The following WDR37 variants were observed in gnomAD, a reference collection of about 807,000 sequenced individuals.
WDR37 encodes WD repeat domain 37.
Under a neutral mutation model 62.9 loss-of-function variants are expected in WDR37, and 19 were observed. The ratio of observed to expected loss-of-function variants is 0.30; its 90% CI spans 0.21 to 0.44. The LOEUF (loss-of-function observed/expected upper bound fraction) is 0.44, where lower values mean the gene tolerates loss of function less well. WDR37 is among the 20% of genes least tolerant of loss of function. WDR37 has a pLI of 1.00. For missense variants in WDR37, 474 were observed against 657.6 expected (o/e 0.72, Z 3.05); for synonymous variants, 250 against 260.9 (o/e 0.96, Z 0.40).
At position 1,069,113 on chromosome 10, in the gene WDR37, G is replaced by C. The variant is rs374822851; in HGVS notation, c.-40-3003G>C. On this transcript the variant is annotated intron_variant, in intron 1 of 13. Transcript: ENST00000263150. ...CGTTTTGGGGTGATAAAAATGTACA[G>C]TTGATTGTGGTAATGATCGCACAAC... 5.7e-4 allele frequency among the ~76,000 whole-genome samples: 86 copies of C among 152,190 alleles called. 1 individual carries two copies. In the South Asian group the frequency reaches 0.017, roughly 30 times the overall value.
intron 7 of WDR37, among the ~76,000 whole-genome samples, chr10:1,089,603 T>C (rs995154195): frequency 1.3e-5 from 2 of 151,964 alleles, no homozygotes; most frequent in African/African-American, 4.8e-5. Flanking sequence ...CTTCCCGTGC[T>C]CACCCACAAT....
At position 1,105,151 on chromosome 10, in the gene WDR37, C is replaced by T. The variant is rs748978295; in HGVS notation, c.987C>T (p.Cys329=). 6.2e-7 allele frequency: 1 copy of T among 1,614,176 alleles called. No individual in the cohort carries two copies. ...GGCACGACCAGGAGTTGACGCACTG[C>T]TGCACACACCCCACCCAGCGGCTCG... ...LTGHDQELTH[C]CTHPTQRLVV... is the part of the protein sequence containing the mutation. The change falls in exon 11 of 14, where the codon TGC becomes TGT. Residue 329 remains cysteine, a synonymous_variant. Transcript: ENST00000263150. This position sits in a 1 kb window ranked among gnomAD's most constrained non-coding sequence, Gnocchi z 5.3.
chr10:1,132,315 A>G lies in WDR37; in HGVS notation c.*2971A>G, dbSNP rs1476556835. On this transcript the variant is annotated 3_prime_UTR_variant, in exon 14 of 14. Transcript: ENST00000263150. ...GTCACTCGAAAAATTTTTAGACTTA[A>G]AAAGTCAGTTGTGTTTTGTGTCTGT... The G allele has an allele frequency of 6.6e-6, 1 of 152,234 alleles. No homozygotes were observed. The highest frequency in any genetic ancestry group is 1.5e-5 in the Non-Finnish European group (1 of 68,046). The allele number at this position is 152,234 out of a possible 1,614,324, so 9.4% of individuals were successfully genotyped here.
intron 5 of WDR37, among the ~76,000 whole-genome samples, chr10:1,083,334 G>T (rs763863473): frequency 5.3e-5 from 8 of 152,210 alleles, no homozygotes; most frequent in African/African-American, 9.6e-5. Flanking sequence ...CTCTTCCTCA[G>T]CCTTTTATAT....
rs1834980041 is a variant in WDR37 at position 1,105,626 on chromosome 10, A to G, written c.1103+359A>G. Among the ~76,000 whole-genome samples, 1 of 152,146 alleles carries G rather than the reference A, an allele frequency of 6.6e-6. No homozygotes were observed. The highest frequency in any genetic ancestry group is 2.1e-4 in the South Asian group (1 of 4,830). On this transcript the variant is annotated intron_variant, in intron 11 of 13. Transcript: ENST00000263150. The surrounding 1 kb of genome is among the most constrained non-coding windows in gnomAD (Gnocchi z 5.3). ...GCCGCGGGAGCTGTTACTCCTACCC[A>G]CGGGGTGTCTCCTGGATCTTTTCCA...
chr10:1,066,442 C>G (rs967752556), intron 1 of WDR37, among the ~76,000 whole-genome samples: 1 of 152,168 alleles, frequency 6.6e-6, no homozygotes, highest in Non-Finnish European at 1.5e-5. Flanking sequence ...GCAGAAAAAA[C>G]CTTGACATGG....
rs374731548 is a variant in WDR37, at chr10:1,084,471, C to T, written c.465C>T (p.His155=). 85 of 1,614,102 alleles carry T rather than the reference C, an allele frequency of 5.3e-5. No homozygotes were observed. Among genetic ancestry groups the T allele is most frequent in the Middle Eastern group, 4.9e-4 (3 of 6,084 alleles). Reference sequence around the variant, plus strand: ...AGCTCGTGAAGGAGTACATCGGCCACCGGGACGGCATCTGGGATGTCAGCG... The same window carrying T: ...AGCTCGTGAAGGAGTACATCGGCCATCGGGACGGCATCTGGGATGTCAGCG... ...ACQLVKEYIG[H]RDGIWDVSVA... The change falls in exon 6 of 14, where the codon CAC becomes CAT. Residue 155 remains histidine (H), a synonymous_variant. Transcript: ENST00000263150.
At chr10:1,101,792 T>G (rs1398641834) in intron 9 of WDR37, among the ~76,000 whole-genome samples, 1 of 152,158 alleles carries the variant, frequency 6.6e-6, no homozygotes, top group African/African-American at 2.4e-5. Context: ...ACCTTTCCTT[T>G]CCTCACATCC....
chr10:1,124,377 A>C (rs1401872159), intron 12 of WDR37, 25 bp downstream of exon 12: 2 of 1,613,840 alleles, frequency 1.2e-6, no homozygotes, highest in South Asian at 2.2e-5. Flanking sequence ...TTGGTTAAGT[A>C]AGTGGCTTAG....
At chr10:1,084,024 G>C (rs141152770) in intron 5 of WDR37, among the ~76,000 whole-genome samples, 108 of 152,278 alleles carry the variant, frequency 7.1e-4, no homozygotes, top group African/African-American at 2.4e-3. Flanking sequence ...TGACTTTTTT[G>C]TATCTGAGTG....
intron 1 of WDR37, among the ~76,000 whole-genome samples, chr10:1,071,841 G>A (rs1017901812): frequency 5.9e-5 from 9 of 152,024 alleles, no homozygotes; most frequent in Non-Finnish European, 1.0e-4. Flanking sequence ...AATTCCGTTG[G>A]GTTAAGGGAG....
chr10:1,059,745 C>T (rs530454301), intron 1 of WDR37, among the ~76,000 whole-genome samples: 1 of 152,044 alleles, frequency 6.6e-6, no homozygotes, highest in Admixed American at 6.5e-5. Flanking sequence ...TGCAGTGGGT[C>T]GAGATCGCGC....
At chr10:1,109,536 ACT>A (rs941465483) in intron 11 of WDR37, among the ~76,000 whole-genome samples, 1 of 151,944 alleles carries the variant, frequency 6.6e-6, no homozygotes, top group African/African-American at 2.4e-5. Flanking sequence ...ACATGGAGAA[ACT>A]CTGTCTTTAC....
At chr10:1,109,844 A>G (rs117793907) in intron 11 of WDR37, among the ~76,000 whole-genome samples, 1,672 of 152,310 alleles carry the variant, frequency 0.011, 29 homozygotes, top group Non-Finnish European at 0.014. Context: ...AGTTCTTACT[A>G]ATGTGGACCT....
At position 1,131,290 on chromosome 10, in the gene WDR37, G is replaced by A. The variant is rs1835941965; in HGVS notation, c.*1946G>A. The A allele has an allele frequency of 6.6e-6, 1 of 152,250 alleles. No homozygotes were observed. Among genetic ancestry groups the A allele is most frequent in the Non-Finnish European group, 1.5e-5 (1 of 68,064 alleles). 9.4% of individuals were successfully genotyped at this position (152,250 alleles called of 1,614,324 possible). A position where few individuals can be genotyped will look rare whatever the true frequency, so the allele number is the denominator to read the frequency against. Reference sequence around the variant, plus strand: ...GCCACTGCACAGGCCACCTGCTTGGGTTCCTCGGAGTTTAATTTGAAAGTC... The same window carrying A: ...GCCACTGCACAGGCCACCTGCTTGGATTCCTCGGAGTTTAATTTGAAAGTC... On this transcript the variant is annotated 3_prime_UTR_variant, in exon 14 of 14. Transcript: ENST00000263150.
At chr10:1,059,200 G>C (rs1440793135) in intron 1 of WDR37, among the ~76,000 whole-genome samples, 1 of 151,842 alleles carries the variant, frequency 6.6e-6, no homozygotes. Context: ...ACATGGTGAA[G>C]TCCCGTCTCT....
intron 11 of WDR37, among the ~76,000 whole-genome samples, chr10:1,119,737 T>A (rs1458869448): frequency 1.3e-5 from 2 of 152,236 alleles, no homozygotes; most frequent in African/African-American, 4.8e-5. Flanking sequence ...TGACTTTACC[T>A]CCTCCTCTTC....
At position 1,132,326 on chromosome 10, in the gene WDR37, G is replaced by T. The variant is rs575067945; in HGVS notation, c.*2982G>T. On this transcript the variant is annotated 3_prime_UTR_variant, in exon 14 of 14. Transcript: ENST00000263150. Reference sequence around the variant, plus strand: ...AATTTTTAGACTTAAAAAGTCAGTTGTGTTTTGTGTCTGTCTCTTATGCTA... The same window carrying T: ...AATTTTTAGACTTAAAAAGTCAGTTTTGTTTTGTGTCTGTCTCTTATGCTA... 1 of 152,270 alleles carries T rather than the reference G, an allele frequency of 6.6e-6. No individual in the cohort carries two copies. The highest frequency in any genetic ancestry group is 2.4e-5 in the African/African-American group (1 of 41,562). 9.4% of individuals were successfully genotyped at this position (152,270 alleles called of 1,614,324 possible).
intron 11 of WDR37, among the ~76,000 whole-genome samples, chr10:1,117,129 A>T (rs1235054343): frequency 1.3e-5 from 2 of 152,116 alleles, no homozygotes; most frequent in Non-Finnish European, 2.9e-5. Context: ...ATCACGGCTC[A>T]CTGCAATCTC....
Sources: allele counts gnomAD v4.1 joint callset (sites outside exome capture counted in the v4.1 genomes callset), GRCh38; gene constraint gnomAD v4.1.1; non-coding constraint Gnocchi (gnomAD v3.1); transcripts MANE v1.5; gene names NCBI Gene and HGNC (gene_info 2026-07-23, HGNC 2026-07-21).